The following TXNRD2 variants were observed in gnomAD, a reference collection of about 807,000 sequenced individuals.
The protein encoded by TXNRD2 is thioredoxin reductase 2, mitochondrial.
TXNRD2 carries 67 observed loss-of-function variants against 70.8 expected under a neutral mutation model. The observed-to-expected ratio is 0.95, with a 90% CI of 0.78 to 1.16. TXNRD2 has a LOEUF of 1.16. TXNRD2 is among the 50% of genes most tolerant of loss of function. The pLI is 0.00. For synonymous variants in TXNRD2, 301 were observed against 295.8 expected (o/e 1.02, Z -0.18); for missense variants, 644 against 719.9 (o/e 0.89, Z 1.21).
chr22:19,888,506 A>AT (rs1939126305), intron 11 of TXNRD2, among the ~76,000 whole-genome samples: 1 of 152,158 alleles, frequency 6.6e-6, no homozygotes, highest in African/African-American at 2.4e-5. Flanking sequence ...CCTGGGACAC[A>AT]TTTTCCCAAG....
At chr22:19,896,376 CAAA>C (rs1238079183) in intron 10 of TXNRD2, among the ~76,000 whole-genome samples, 1 of 152,098 alleles carries the variant, frequency 6.6e-6, no homozygotes, top group Admixed American at 6.5e-5. Context: ...AAAACAAAAA[CAAA>C]AAACTTAGTC....
At chr22:19,883,517 C>A in intron 11 of TXNRD2, 56 bp from the exon 12 acceptor site, 1 of 1,611,376 alleles carries the variant, frequency 6.2e-7, no homozygotes, top group Non-Finnish European at 8.5e-7. Context: ...TGACCTAGAG[C>A]GGTTGTGTTT....
intron 17 of TXNRD2, 53 bp from the exon 18 acceptor site, chr22:19,875,860 C>T (rs1398627767): frequency 6.6e-6 from 1 of 152,262 alleles, no homozygotes; most frequent in Non-Finnish European, 1.5e-5. Context: ...CTCACATCAG[C>T]CTAGCTATGT....
chr22:19,918,832 C>T, intron 4 of TXNRD2, 28 bp downstream of exon 4: 1 of 1,602,690 alleles, frequency 6.2e-7, no homozygotes, highest in Non-Finnish European at 8.5e-7. Flanking sequence ...AAGAAAAGCA[C>T]TGGAATGCCA....
intron 12 of TXNRD2, 107 bp from the exon 13 acceptor site, chr22:19,880,824 C>T (rs1332443577): frequency 1.3e-6 from 1 of 748,678 alleles, no homozygotes; most frequent in East Asian, 2.7e-5. Context: ...TTTAGAAAAT[C>T]CCCAACACTG....
intron 8 of TXNRD2, among the ~76,000 whole-genome samples, chr22:19,910,665 G>A (rs1940364988): frequency 6.6e-6 from 1 of 152,140 alleles, no homozygotes; most frequent in Admixed American, 6.5e-5. Flanking sequence ...TGAGCGCAGT[G>A]GTGCAATCAC....
intron 1 of TXNRD2, chr22:19,932,521 G>T: frequency 6.4e-7 from 1 of 1,557,218 alleles, no homozygotes; most frequent in Admixed American, 1.8e-5. Flanking sequence ...GAAGTAGAGA[G>T]GGGAAGTACA....
intron 11 of TXNRD2, among the ~76,000 whole-genome samples, chr22:19,893,508 AG>A (rs1939356738): frequency 6.6e-6 from 1 of 152,180 alleles, no homozygotes; most frequent in Non-Finnish European, 1.5e-5. Context: ...CCTCCTCTGC[AG>A]CAGGCCTGGG....
chr22:19,921,057 A>G (rs949008477), intron 2 of TXNRD2, among the ~76,000 whole-genome samples: 2 of 149,330 alleles, frequency 1.3e-5, no homozygotes, highest in Non-Finnish European at 3.0e-5. Flanking sequence ...CAGTGAGCCG[A>G]GATTGTGCCA....
intron 11 of TXNRD2, chr22:19,887,401 C>G (rs749556819): frequency 6.6e-6 from 1 of 152,302 alleles, no homozygotes; most frequent in Non-Finnish European, 1.5e-5. Context: ...AGCGGCACAG[C>G]TACATCAAGG....
chr22:19,909,599 A>C (rs1601435682), intron 8 of TXNRD2, among the ~76,000 whole-genome samples: 10 of 27,614 alleles, frequency 3.6e-4, no homozygotes, highest in African/African-American at 7.3e-4. Context: ...CACACACACC[A>C]CTCACACACA....
chr22:19,903,528 T>C (rs1259661671), intron 8 of TXNRD2, among the ~76,000 whole-genome samples: 1 of 152,140 alleles, frequency 6.6e-6, no homozygotes, highest in Non-Finnish European at 1.5e-5. Context: ...CAAGGCACAC[T>C]GGCGGGGCCC....
intron 11 of TXNRD2, among the ~76,000 whole-genome samples, chr22:19,890,150 A>G (rs1270128587): frequency 6.6e-6 from 1 of 152,190 alleles, no homozygotes; most frequent in African/African-American, 2.4e-5. Flanking sequence ...TAGCACCACC[A>G]TGAGCTAGGG....
chr22:19,893,594 G>A (rs1451060710), intron 11 of TXNRD2, among the ~76,000 whole-genome samples: 1 of 152,190 alleles, frequency 6.6e-6, no homozygotes, highest in Non-Finnish European at 1.5e-5. Flanking sequence ...CCCGGCCCAG[G>A]CCTGGGCACA....
chr22:19,894,829 A>G (rs920991636), intron 11 of TXNRD2: 2 of 411,102 alleles, frequency 4.9e-6, no homozygotes, highest in African/African-American at 4.2e-5. Flanking sequence ...CTCTACTAAA[A>G]ATACAAAAAT....
At chr22:19,881,375 G>A in intron 12 of TXNRD2, 1 of 305,620 alleles carries the variant, frequency 3.3e-6, no homozygotes, top group Non-Finnish European at 5.9e-6. Context: ...ATTCCAGCAG[G>A]CCTGACTAAC....
intron 8 of TXNRD2, among the ~76,000 whole-genome samples, chr22:19,904,171 C>G (rs1473957253): frequency 6.6e-6 from 1 of 152,184 alleles, no homozygotes; most frequent in Non-Finnish European, 1.5e-5. Flanking sequence ...TCCCCCGCCC[C>G]ACCCCAGTGC....
chr22:19,908,769 C>T (rs1034069796), intron 8 of TXNRD2, among the ~76,000 whole-genome samples: 12 of 152,110 alleles, frequency 7.9e-5, no homozygotes, highest in Admixed American at 5.9e-4. Flanking sequence ...ATGTGGTGTG[C>T]CTGTACAATG....
At chr22:19,910,708 G>GCAAT (rs1198965915) in intron 8 of TXNRD2, among the ~76,000 whole-genome samples, 1 of 152,160 alleles carries the variant, frequency 6.6e-6, no homozygotes, top group Non-Finnish European at 1.5e-5. Context: ...CTGGGCTCAA[G>GCAAT]CAATCCTCCC....
Sources: gnomAD v4.1 joint callset for allele counts (sites outside exome capture counted in the v4.1 genomes callset) on GRCh38, gnomAD v4.1.1 for gene constraint, MANE v1.5 for transcripts, NCBI Gene and HGNC (gene_info 2026-07-23, HGNC 2026-07-21) for gene names.